The following ROBO2 variants were observed in gnomAD, a reference collection of about 807,000 sequenced individuals.
ROBO2 encodes the protein roundabout guidance receptor 2.
In ROBO2, 53 loss-of-function variants were observed where a neutral mutation model predicts 160.8. The ratio of observed to expected loss-of-function variants is 0.33; its 90% CI spans 0.26 to 0.41. The LOEUF (loss-of-function observed/expected upper bound fraction) is 0.41, where lower values mean the gene tolerates loss of function less well. Among genes scored for constraint, ROBO2 ranks in the 10% least tolerant of loss-of-function variants. The pLI, the probability that ROBO2 is intolerant of heterozygous loss-of-function variation, is 1.00. For synonymous variants in ROBO2, 664 were observed against 611.7 expected (o/e 1.09, Z -1.26); for missense variants, 1,577 against 1,722.4 (o/e 0.92, Z 1.49).
At chr3:76,895,749 C>T (rs1326388946) in intron 2 of ROBO2, among the ~76,000 whole-genome samples, 1 of 152,068 alleles carries the variant, frequency 6.6e-6, no homozygotes, top group East Asian at 1.9e-4. Flanking sequence ...CTTTCATGTT[C>T]CTTGTAGGAA....
intron 2 of ROBO2, among the ~76,000 whole-genome samples, chr3:76,334,075 G>T (rs2073693734): frequency 6.6e-6 from 1 of 152,008 alleles, no homozygotes; most frequent in Non-Finnish European, 1.5e-5. Context: ...ACACCAGCAT[G>T]GCACATGTAT....
At chr3:76,903,658 T>C (rs531718776) in intron 2 of ROBO2, among the ~76,000 whole-genome samples, 2 of 152,250 alleles carry the variant, frequency 1.3e-5, no homozygotes, top group Non-Finnish European at 2.9e-5. Context: ...CAAGGGCAAA[T>C]AGGCATAGCC....
intron 2 of ROBO2, among the ~76,000 whole-genome samples, chr3:76,015,525 C>G (rs1034371748): frequency 1.1e-4 from 16 of 152,120 alleles, no homozygotes; most frequent in African/African-American, 3.1e-4. Context: ...ACAATTTTAG[C>G]CATCAACAAC....
intron 1 of ROBO2, among the ~76,000 whole-genome samples, chr3:77,084,303 A>G (rs2069028369): frequency 6.6e-6 from 1 of 152,056 alleles, no homozygotes; most frequent in Admixed American, 6.6e-5. Flanking sequence ...TAAACTCTTA[A>G]CATTTGTATA....
intron 21 of ROBO2, among the ~76,000 whole-genome samples, chr3:77,616,855 A>G (rs912047502): frequency 3.3e-5 from 5 of 152,208 alleles, no homozygotes; most frequent in African/African-American, 1.2e-4. Flanking sequence ...TTAAAAGGAT[A>G]GATCTCGTGT....
At chr3:77,048,371 C>T (rs969731523) in intron 1 of ROBO2, among the ~76,000 whole-genome samples, 1 of 152,132 alleles carries the variant, frequency 6.6e-6, no homozygotes, top group African/African-American at 2.4e-5. Context: ...GTTTCCATTG[C>T]ATCATAAGCT....
chr3:76,343,957 A>G (rs1293806833), intron 2 of ROBO2, among the ~76,000 whole-genome samples: 1 of 151,980 alleles, frequency 6.6e-6, no homozygotes, highest in Non-Finnish European at 1.5e-5. Flanking sequence ...TTTGGTTTGT[A>G]CTAAAAGCAT....
chr3:77,251,625 C>T (rs114372130), intron 2 of ROBO2, among the ~76,000 whole-genome samples: 4 of 152,068 alleles, frequency 2.6e-5, no homozygotes, highest in Non-Finnish European at 5.9e-5. Flanking sequence ...CGTCCCGACC[C>T]GAATCTCACC....
exon 26 of ROBO2, chr3:77,647,103 A>G (rs1385031858): frequency 6.6e-6 from 1 of 152,588 alleles, no homozygotes; most frequent in Non-Finnish European, 1.5e-5. Flanking sequence ...ATTAGGGCAT[A>G]CTCGGGCTGT....
chr3:76,985,048 T>C (rs1204070064), intron 2 of ROBO2, among the ~76,000 whole-genome samples: 1 of 152,144 alleles, frequency 6.6e-6, no homozygotes, highest in Admixed American at 6.5e-5. Flanking sequence ...TATAGAATGA[T>C]GTGAATAATC....
At chr3:76,029,514 C>G (rs1463418723) in intron 2 of ROBO2, among the ~76,000 whole-genome samples, 1 of 152,028 alleles carries the variant, frequency 6.6e-6, no homozygotes, top group African/African-American at 2.4e-5. Context: ...ATCCCTCCCC[C>G]CATTCCCCAA....
intron 2 of ROBO2, among the ~76,000 whole-genome samples, chr3:75,972,529 A>C (rs1484875064): frequency 1.3e-5 from 2 of 151,680 alleles, no homozygotes; most frequent in Non-Finnish European, 3.0e-5. Context: ...ACTCTTATAT[A>C]AGCAACTTCT....
chr3:76,538,208 G>C (rs2082621290), intron 2 of ROBO2, among the ~76,000 whole-genome samples: 1 of 151,856 alleles, frequency 6.6e-6, no homozygotes, highest in Non-Finnish European at 1.5e-5. Context: ...ATGTGGGCAA[G>C]TGTATGTATG....
chr3:77,281,957 G>A (rs62249724), intron 2 of ROBO2, among the ~76,000 whole-genome samples: 2,297 of 152,272 alleles, frequency 0.015, 27 homozygotes, highest in Middle Eastern at 0.031. Context: ...TGTGCAGCCC[G>A]TTTCCTACCA....
intron 2 of ROBO2, among the ~76,000 whole-genome samples, chr3:76,635,838 T>C (rs551456377): frequency 8.5e-5 from 13 of 152,366 alleles, no homozygotes; most frequent in African/African-American, 3.1e-4. Flanking sequence ...CCTAGAACAC[T>C]GACTTTGGCT....
At chr3:76,082,448 G>A (rs576771022) in intron 2 of ROBO2, among the ~76,000 whole-genome samples, 3 of 152,072 alleles carry the variant, frequency 2.0e-5, no homozygotes, top group Admixed American at 6.5e-5. Context: ...AGGAACAAGA[G>A]GGTAAACAAC....
At chr3:77,199,258 A>G (rs1196480894) in intron 2 of ROBO2, among the ~76,000 whole-genome samples, 1 of 152,136 alleles carries the variant, frequency 6.6e-6, no homozygotes, top group Non-Finnish European at 1.5e-5. Flanking sequence ...TTATTTTGCC[A>G]TACCTTGGAG....
At chr3:77,305,270 C>G (rs1459287274) in intron 2 of ROBO2, among the ~76,000 whole-genome samples, 1 of 152,190 alleles carries the variant, frequency 6.6e-6, no homozygotes, top group African/African-American at 2.4e-5. Context: ...TTAAACATTG[C>G]CTTTGCAGTC....
At chr3:76,028,478 T>C (rs2066815368) in intron 2 of ROBO2, among the ~76,000 whole-genome samples, 1 of 151,824 alleles carries the variant, frequency 6.6e-6, no homozygotes, top group Non-Finnish European at 1.5e-5. Context: ...ATTACCACAA[T>C]TGACAGAACT....
Sources: gnomAD v4.1 joint callset for allele counts (sites outside exome capture counted in the v4.1 genomes callset) on GRCh38, gnomAD v4.1.1 for gene constraint, MANE v1.5 for transcripts, NCBI Gene and HGNC (gene_info 2026-07-23, HGNC 2026-07-21) for gene names.